Variants in CBR4 observed in about 807,000 individuals in gnomAD.
CBR4 encodes carbonyl reductase 4, also known as 3-oxoacyl-[acyl-carrier-protein] reductase.
CBR4 carries 22 observed loss-of-function variants against 21.0 expected under a neutral mutation model. That is an observed-to-expected ratio of 1.05 (90% confidence interval 0.75 to 1.50). CBR4 has a LOEUF of 1.50. Among genes scored for constraint, CBR4 ranks in the 40% most tolerant of loss-of-function variants. The pLI is 0.00. For missense variants in CBR4, 302 were observed against 286.3 expected (o/e 1.05, Z -0.40); for synonymous variants, 100 against 104.4 (o/e 0.96, Z 0.26).
intron 2 of CBR4, among the ~76,000 whole-genome samples, chr4:168,930,602 G>A (rs2126652822): frequency 6.6e-6 from 1 of 152,296 alleles, no homozygotes; most frequent in East Asian, 1.9e-4. Context: ...TGAACAAACA[G>A]TTAACATTCA....
chr4:168,998,948 C>A (rs1318302318), intron 4 of CBR4, among the ~76,000 whole-genome samples: 1 of 152,064 alleles, frequency 6.6e-6, no homozygotes, highest in Non-Finnish European at 1.5e-5. Flanking sequence ...CTCTTTATGC[C>A]TTTTTGTACT....
chr4:168,976,305 G>C (rs374185791), intron 2 of CBR4, among the ~76,000 whole-genome samples: 2 of 152,134 alleles, frequency 1.3e-5, no homozygotes, highest in South Asian at 4.1e-4. Flanking sequence ...GTACCTACGG[G>C]GCTCCTCCTG....
intron 2 of CBR4, among the ~76,000 whole-genome samples, chr4:168,900,031 T>TGGTGAA (rs984818579): frequency 6.6e-6 from 1 of 151,978 alleles, no homozygotes; most frequent in African/African-American, 2.4e-5. Context: ...CTTACAATCA[T>TGGTGAA]GGTGAAGGCG....
intron 2 of CBR4, among the ~76,000 whole-genome samples, chr4:168,920,967 A>T (rs1001413645): frequency 6.6e-6 from 1 of 152,270 alleles, no homozygotes; most frequent in Admixed American, 6.5e-5. Flanking sequence ...GCAAGGTAAG[A>T]CCATGACAGC....
Position 168,969,862 on chromosome 4 carries a change from A to T in CBR4, n.169+32209T>A, listed in dbSNP as rs75126893. Reference sequence around the variant, plus strand: ...CCAAATCTACTAAATCAAATGATGCATTTAAAAAAAGATTCATAGGTAATT... The same window carrying T: ...CCAAATCTACTAAATCAAATGATGCTTTTAAAAAAAGATTCATAGGTAATT... On this transcript the variant is annotated intron_variant and non_coding_transcript_variant, in intron 2 of 3. Coordinates refer to the CBR4 transcript ENST00000509108. Among the ~76,000 whole-genome samples, 172 of 152,322 alleles carry T rather than the reference A, an allele frequency of 1.1e-3. 2 individuals carry two copies. The highest frequency in any genetic ancestry group is 3.8e-3 in the African/African-American group (156 of 41,576).
intron 2 of CBR4, among the ~76,000 whole-genome samples, chr4:168,897,091 A>G (rs1196503395): frequency 1.3e-5 from 2 of 152,194 alleles, no homozygotes; most frequent in Non-Finnish European, 2.9e-5. Context: ...TTGGCTTCCC[A>G]AAGCGCTGGG....
intron 2 of CBR4, among the ~76,000 whole-genome samples, chr4:168,906,342 T>G (rs938081250): frequency 2.0e-5 from 3 of 152,204 alleles, no homozygotes. Context: ...CTTCCTCAAA[T>G]TATAATAATG....
chr4:168,946,837 C>G (rs904983532), intron 2 of CBR4, among the ~76,000 whole-genome samples: 2 of 152,102 alleles, frequency 1.3e-5, no homozygotes, highest in Non-Finnish European at 2.9e-5. Context: ...GCTAAAGAAA[C>G]TGACATTGGG....
At chr4:168,923,546 A>ACAAT (rs1415321778) in intron 2 of CBR4, among the ~76,000 whole-genome samples, 2 of 152,106 alleles carry the variant, frequency 1.3e-5, no homozygotes, top group African/African-American at 4.8e-5. Context: ...AGTGTTATTA[A>ACAAT]CAATCAGTCC....
intron 2 of CBR4, among the ~76,000 whole-genome samples, chr4:168,955,473 A>G (rs540383776): frequency 3.1e-4 from 47 of 152,230 alleles, no homozygotes; most frequent in African/African-American, 1.1e-3. Flanking sequence ...GTATTGCTGG[A>G]GCTATGGATA....
intron 2 of CBR4, among the ~76,000 whole-genome samples, chr4:168,965,677 C>T (rs1443953601): frequency 6.6e-6 from 1 of 152,166 alleles, no homozygotes; most frequent in African/African-American, 2.4e-5. Context: ...ATAAATTGTG[C>T]TGGGAAAACT....
intron 2 of CBR4, among the ~76,000 whole-genome samples, chr4:168,940,678 TA>T (rs1763238995): frequency 6.6e-6 from 1 of 151,768 alleles, no homozygotes; most frequent in African/African-American, 2.4e-5. Flanking sequence ...CAAACATATG[TA>T]AAAAAGCTCA....
intron 2 of CBR4, chr4:168,924,512 T>A: frequency 8.3e-7 from 1 of 1,204,988 alleles, no homozygotes; most frequent in Non-Finnish European, 1.2e-6. Context: ...AATCTATGTG[T>A]AAAAGCCACA....
chr4:168,961,622 G>A (rs1396273004), intron 2 of CBR4, among the ~76,000 whole-genome samples: 18 of 152,106 alleles, frequency 1.2e-4, no homozygotes, highest in Admixed American at 9.8e-4. Flanking sequence ...GGGTGTGGTG[G>A]CTCATGCCTG....
intron 3 of CBR4, among the ~76,000 whole-genome samples, chr4:169,004,421 C>T (rs1190279396): frequency 6.6e-6 from 1 of 152,204 alleles, no homozygotes; most frequent in Admixed American, 6.5e-5. Context: ...GCATGTGATG[C>T]TCTTTGATAG....
At chr4:168,900,631 T>C (rs1756303864) in intron 2 of CBR4, among the ~76,000 whole-genome samples, 1 of 152,200 alleles carries the variant, frequency 6.6e-6, no homozygotes, top group African/African-American at 2.4e-5. Context: ...TGTTCTTTTC[T>C]TAAAACTGAA....
At chr4:168,905,175 G>A (rs1401303644) in intron 2 of CBR4, among the ~76,000 whole-genome samples, 1 of 110,326 alleles carries the variant, frequency 9.1e-6, no homozygotes, top group Non-Finnish European at 1.8e-5. Flanking sequence ...TTTTGAGATG[G>A]AATCTCACTC....
chr4:168,967,056 CAT>C (rs1401154068), intron 2 of CBR4, among the ~76,000 whole-genome samples: 12 of 151,604 alleles, frequency 7.9e-5, no homozygotes, highest in Admixed American at 5.3e-4. Context: ...CACATGCACA[CAT>C]ATGTTTATTG....
chr4:168,978,498 G>C (rs910882596), intron 2 of CBR4, among the ~76,000 whole-genome samples: 2 of 152,224 alleles, frequency 1.3e-5, no homozygotes, highest in Admixed American at 1.3e-4. Context: ...GCCCACCTGG[G>C]ATTGGCACAG....
Sources: gnomAD v4.1 joint callset for allele counts (sites outside exome capture counted in the v4.1 genomes callset) on GRCh38, gnomAD v4.1.1 for gene constraint, MANE v1.5 for transcripts, NCBI Gene and HGNC (gene_info 2026-07-23, HGNC 2026-07-21) for gene names.